The following GRID2 variants were observed in gnomAD, a reference collection of about 807,000 sequenced individuals.
The protein encoded by GRID2 is glutamate ionotropic receptor delta type subunit 2, also known as glutamate receptor ionotropic, delta-2.
In GRID2, 33 loss-of-function variants were observed where a neutral mutation model predicts 114.8. That is an observed-to-expected ratio of 0.29 (90% CI 0.22 to 0.38). The LOEUF (loss-of-function observed/expected upper bound fraction) is 0.38. Among genes scored for constraint, GRID2 ranks in the 10% least tolerant of loss-of-function variants. The pLI is 1.00. For synonymous variants in GRID2, 505 were observed against 449.9 expected (o/e 1.12, Z -1.55); for missense variants, 1,184 against 1,257.7 (o/e 0.94, Z 0.89).
chr4:93,247,136 G>T (rs1748304496), intron 8 of GRID2, among the ~76,000 whole-genome samples: 1 of 152,136 alleles, frequency 6.6e-6, no homozygotes. Context: ...GAGCAAAGAT[G>T]ACTGATGGGG....
rs974151708 is a variant in GRID2 at position 93,135,593 on chromosome 4, A to G, written c.735+24640A>G. The stretch of plus-strand genomic sequence containing the variant: ...ATCTGCTTTCTAGTTGAAAATTAAT[A>G]AAGGCTCCCAACTGGTCCAAAGTTT... On this transcript the variant is annotated intron_variant, in intron 4 of 15. Transcript: ENST00000282020. Among the ~76,000 whole-genome samples, 11 of 152,296 alleles carry G rather than the reference A, an allele frequency of 7.2e-5. No homozygotes were observed. The South Asian group carries it at 2.3e-3, about 32-fold the overall frequency.
chr4:93,478,712 TCAAC>T (rs1300958176), intron 11 of GRID2, among the ~76,000 whole-genome samples: 4 of 152,012 alleles, frequency 2.6e-5, no homozygotes, highest in Non-Finnish European at 5.9e-5. Flanking sequence ...AACGCATTAT[TCAAC>T]CAACATGGAA....
intron 14 of GRID2, among the ~76,000 whole-genome samples, chr4:93,672,509 G>A (rs1724517920): frequency 6.6e-6 from 1 of 152,168 alleles, no homozygotes; most frequent in Non-Finnish European, 1.5e-5. Context: ...TAGAAACGTG[G>A]CATGCCAGCT....
intron 1 of GRID2, among the ~76,000 whole-genome samples, chr4:92,397,072 A>G (rs1730527036): frequency 6.6e-6 from 1 of 151,996 alleles, no homozygotes; most frequent in Non-Finnish European, 1.5e-5. Context: ...CTAAAATGCC[A>G]GCATTAGGTC....
intron 3 of GRID2, among the ~76,000 whole-genome samples, chr4:93,108,987 T>C (rs1732522820): frequency 6.6e-6 from 1 of 152,298 alleles, no homozygotes; most frequent in South Asian, 2.1e-4. Context: ...TTGTGTATTT[T>C]TGATAAGTTT....
chr4:93,371,425 C>T lies in GRID2; in HGVS notation c.1246-24182C>T, dbSNP rs1009524045. On this transcript the variant is annotated intron_variant, in intron 8 of 15. Coordinates refer to ENST00000282020, the MANE Select transcript of GRID2 (RefSeq NM_001510.4). ...CTCATGTGGTAACAAGACTATTATT[C>T]TAGATACTGTACTCATATTTAACAG... Among the ~76,000 whole-genome samples, 102 of 151,680 alleles carry T rather than the reference C, an allele frequency of 6.7e-4. 1 individual carries two copies. The highest frequency in any genetic ancestry group is 1.5e-4 in the Non-Finnish European group (10 of 67,968).
chr4:92,667,982 G>A (rs1396615448), intron 2 of GRID2, among the ~76,000 whole-genome samples: 1 of 151,754 alleles, frequency 6.6e-6, no homozygotes, highest in Non-Finnish European at 1.5e-5. Context: ...AGAGCTTTCA[G>A]CATGTGGTAC....
intron 4 of GRID2, among the ~76,000 whole-genome samples, chr4:93,136,650 T>C (rs1229123343): frequency 6.6e-6 from 1 of 152,172 alleles, no homozygotes; most frequent in East Asian, 1.9e-4. Context: ...ATATCCATTA[T>C]ATATGTAGGA....
intron 2 of GRID2, among the ~76,000 whole-genome samples, chr4:92,653,180 A>C (rs911147054): frequency 2.0e-4 from 30 of 149,902 alleles, no homozygotes; most frequent in African/African-American, 7.1e-4. Context: ...TTGTATTTTT[A>C]GTAGAGATGG....
intron 8 of GRID2, among the ~76,000 whole-genome samples, chr4:93,241,765 G>A (rs963193831): frequency 1.3e-5 from 2 of 150,908 alleles, no homozygotes; most frequent in African/African-American, 4.9e-5. Flanking sequence ...TCAGTAGAGG[G>A]GTAATGCCAT....
intron 8 of GRID2, among the ~76,000 whole-genome samples, chr4:93,347,556 A>G (rs1760362991): frequency 6.6e-6 from 1 of 152,164 alleles, no homozygotes. Flanking sequence ...GATTTTCATC[A>G]TAGTGTTTGA....
At chr4:92,687,863 A>AT (rs1335474368) in intron 2 of GRID2, among the ~76,000 whole-genome samples, 3 of 151,764 alleles carry the variant, frequency 2.0e-5, no homozygotes, top group Non-Finnish European at 4.4e-5. Flanking sequence ...AAAAAGGCTA[A>AT]TGATCATGTG....
chr4:93,458,660 G>T (rs1475581892), intron 11 of GRID2, among the ~76,000 whole-genome samples: 1 of 152,154 alleles, frequency 6.6e-6, no homozygotes, highest in East Asian at 1.9e-4. Flanking sequence ...GGTTAAAATT[G>T]TGAAGTTCTT....
chr4:92,872,612 T>A (rs749473729), intron 2 of GRID2, among the ~76,000 whole-genome samples: 1 of 152,182 alleles, frequency 6.6e-6, no homozygotes, highest in Admixed American at 6.5e-5. Flanking sequence ...TCCATGCAAG[T>A]ATATCTTCAA....
intron 2 of GRID2, among the ~76,000 whole-genome samples, chr4:92,797,001 T>C (rs1390815564): frequency 2.0e-5 from 3 of 151,948 alleles, no homozygotes; most frequent in Non-Finnish European, 4.4e-5. Context: ...GCTTCATTAA[T>C]TTTCATTTCT....
chr4:92,617,257 T>A (rs1311944122), intron 2 of GRID2, among the ~76,000 whole-genome samples: 1 of 151,260 alleles, frequency 6.6e-6, no homozygotes, highest in Non-Finnish European at 1.5e-5. Context: ...GTACAGATTG[T>A]GCAGGTTTGT....
chr4:93,662,211 C>T (rs115352856), intron 14 of GRID2, among the ~76,000 whole-genome samples: 2,167 of 152,198 alleles, frequency 0.014, 20 homozygotes, highest in Non-Finnish European at 0.022. Context: ...CGTCTCACTG[C>T]GGCCGTCACT....
intron 2 of GRID2, among the ~76,000 whole-genome samples, chr4:92,804,038 G>GC (rs1361866444): frequency 4.6e-5 from 7 of 151,916 alleles, no homozygotes; most frequent in Non-Finnish European, 1.0e-4. Context: ...GCTGCCACAA[G>GC]CCAGACTTCC....
At chr4:92,650,162 C>T (rs533332733) in intron 2 of GRID2, among the ~76,000 whole-genome samples, 2 of 152,112 alleles carry the variant, frequency 1.3e-5, no homozygotes, top group South Asian at 4.1e-4. Flanking sequence ...TGCATACCAA[C>T]ATATTTATAA....
Sources: gnomAD v4.1 joint callset for allele counts (sites outside exome capture counted in the v4.1 genomes callset) on GRCh38, gnomAD v4.1.1 for gene constraint, MANE v1.5 for transcripts, NCBI Gene and HGNC (gene_info 2026-07-23, HGNC 2026-07-21) for gene names.